The following KCND3 variants were observed in gnomAD, a reference collection of about 807,000 sequenced individuals.
The protein encoded by KCND3 is A-type voltage-gated potassium channel KCND3.
A neutral mutation model predicts 51.1 loss-of-function variants in KCND3; 9 were observed. The observed-to-expected ratio is 0.18, with a 90% CI of 0.11 to 0.31. The LOEUF (loss-of-function observed/expected upper bound fraction) is 0.31, where lower values mean the gene tolerates loss of function less well. KCND3 is among the 10% of genes least tolerant of loss of function. The pLI is 1.00. For missense variants in KCND3, 526 were observed against 903.8 expected, an observed-to-expected ratio of 0.58 and a Z score of 5.36; for synonymous variants, 349 against 368.0, an observed-to-expected ratio of 0.95 and a Z score of 0.59.
chr1:111,884,508 G>A (rs987217536), intron 2 of KCND3, among the ~76,000 whole-genome samples: 3 of 152,112 alleles, frequency 2.0e-5, no homozygotes, highest in African/African-American at 7.2e-5. Context: ...CGAAGTCATC[G>A]CCAGGGATGT....
At chr1:111,956,398 T>G (rs963214329) in intron 2 of KCND3, among the ~76,000 whole-genome samples, 2 of 152,196 alleles carry the variant, frequency 1.3e-5, no homozygotes, top group African/African-American at 4.8e-5. Flanking sequence ...TAATTTCCAC[T>G]GACAAGAGGT....
chr1:111,879,338 C>G (rs1005963104), intron 2 of KCND3, among the ~76,000 whole-genome samples: 1 of 152,098 alleles, frequency 6.6e-6, no homozygotes, highest in Admixed American at 6.5e-5. Context: ...TTGCATGTAA[C>G]CGGTGGTTCT....
At chr1:111,967,135 C>T (rs1304302224) in intron 2 of KCND3, among the ~76,000 whole-genome samples, 9 of 143,204 alleles carry the variant, frequency 6.3e-5, no homozygotes, top group Non-Finnish European at 1.4e-4. Context: ...AGTGAGATTC[C>T]GTCTCAAAAA....
intron 2 of KCND3, among the ~76,000 whole-genome samples, chr1:111,813,784 AC>A (rs1450458070): frequency 6.6e-6 from 1 of 152,214 alleles, no homozygotes; most frequent in African/African-American, 2.4e-5. Context: ...AATTCCCACA[AC>A]AATCCTGTGG....
intron 2 of KCND3, among the ~76,000 whole-genome samples, chr1:111,844,317 C>T (rs1471489736): frequency 6.6e-6 from 1 of 152,168 alleles, no homozygotes; most frequent in African/African-American, 2.4e-5. Context: ...ATAAGCAATG[C>T]CACTTCAGAA....
At chr1:111,957,034 G>A (rs1247039551) in intron 2 of KCND3, among the ~76,000 whole-genome samples, 1 of 152,144 alleles carries the variant, frequency 6.6e-6, no homozygotes, top group Non-Finnish European at 1.5e-5. Flanking sequence ...GAAGGGCCTG[G>A]GGCCTGCAAG....
At chr1:111,926,287 G>A (rs1671693299) in intron 2 of KCND3, among the ~76,000 whole-genome samples, 1 of 152,212 alleles carries the variant, frequency 6.6e-6, no homozygotes. Context: ...GGGAGTAGCA[G>A]CAGCAGTAGT....
At chr1:111,925,134 T>A (rs1029632973) in intron 2 of KCND3, among the ~76,000 whole-genome samples, 1 of 152,324 alleles carries the variant, frequency 6.6e-6, no homozygotes, top group Admixed American at 6.5e-5. Context: ...CTGGCCTCAC[T>A]CCCCACACCT....
At chr1:111,821,789 A>C (rs1666360975) in intron 2 of KCND3, among the ~76,000 whole-genome samples, 1 of 152,194 alleles carries the variant, frequency 6.6e-6, no homozygotes, top group African/African-American at 2.4e-5. Context: ...CCAGGGGGAC[A>C]GTCCCTGGGA....
At chr1:111,938,912 G>A (rs1327807303) in intron 2 of KCND3, among the ~76,000 whole-genome samples, 1 of 152,180 alleles carries the variant, frequency 6.6e-6, no homozygotes. Flanking sequence ...GGAAGGAAGG[G>A]CTAAACAGGG....
intron 2 of KCND3, among the ~76,000 whole-genome samples, chr1:111,866,475 T>C (rs1267221579): frequency 6.6e-6 from 1 of 151,854 alleles, no homozygotes; most frequent in Non-Finnish European, 1.5e-5. Flanking sequence ...ATGTTGCCCA[T>C]GCTGGTCTTG....
chr1:111,970,367 A>T (rs1168718066), intron 2 of KCND3, among the ~76,000 whole-genome samples: 1 of 152,232 alleles, frequency 6.6e-6, no homozygotes, highest in Non-Finnish European at 1.5e-5. Context: ...CTGTTCACAG[A>T]TACGTCTTTG....
At chr1:111,861,452 T>C (rs1557984142) in intron 2 of KCND3, among the ~76,000 whole-genome samples, 1 of 152,174 alleles carries the variant, frequency 6.6e-6, no homozygotes, top group Non-Finnish European at 1.5e-5. Flanking sequence ...CTCAGGAACT[T>C]AGAATGGCAA....
In KCND3 at chr1:111,982,792, G is replaced by A; in HGVS notation, c.-66C>T. The A allele has an allele frequency of 3.9e-6, 6 of 1,548,350 alleles. No homozygotes were observed. Among genetic ancestry groups the A allele is most frequent in the Non-Finnish European group, 5.2e-6 (6 of 1,153,630 alleles). ...GGCACACCAGCTTGGAGTTAGTTCA[G>A]CAAACCCTGGGAGACAGGAGGGGAG... is the stretch of plus-strand genomic sequence containing the variant. On this transcript the variant is annotated 5_prime_UTR_variant, in exon 2 of 8. Coordinates refer to ENST00000302127, the MANE Select transcript of KCND3 (RefSeq NM_001378969.1). The surrounding 1 kb of genome is among the most constrained non-coding windows in gnomAD (Gnocchi z 8.5).
At chr1:111,822,517 T>G (rs997348668) in intron 2 of KCND3, among the ~76,000 whole-genome samples, 1 of 152,260 alleles carries the variant, frequency 6.6e-6, no homozygotes, top group Non-Finnish European at 1.5e-5. Context: ...AAGGTTCATC[T>G]ATGTTGTAGC....
intron 2 of KCND3, among the ~76,000 whole-genome samples, chr1:111,918,545 G>A (rs189689775): frequency 1.3e-5 from 2 of 152,260 alleles, no homozygotes; most frequent in East Asian, 3.9e-4. Flanking sequence ...ACCCTCCATA[G>A]CTATAGTGAG....
intron 2 of KCND3, among the ~76,000 whole-genome samples, chr1:111,959,485 G>C (rs1021035780): frequency 2.6e-5 from 4 of 152,124 alleles, no homozygotes; most frequent in African/African-American, 7.2e-5. Context: ...TCATCAGGGA[G>C]GGTCTCTCTC....
At chr1:111,851,462 A>AAT (rs1297925995) in intron 2 of KCND3, among the ~76,000 whole-genome samples, 1 of 152,208 alleles carries the variant, frequency 6.6e-6, no homozygotes, top group Non-Finnish European at 1.5e-5. Context: ...ACCTCTGTGG[A>AAT]ATAAATGAAA....
intron 2 of KCND3, among the ~76,000 whole-genome samples, chr1:111,860,910 G>C (rs921222982): frequency 2.0e-4 from 30 of 152,214 alleles, no homozygotes; most frequent in African/African-American, 7.0e-4. Flanking sequence ...ATTATTGATA[G>C]GACACCTCAG....
Sources: gnomAD v4.1 joint callset for allele counts (sites outside exome capture counted in the v4.1 genomes callset) on GRCh38, gnomAD v4.1.1 for gene constraint, Gnocchi (gnomAD v3.1) non-coding constraint, MANE v1.5 for transcripts, NCBI Gene and HGNC (gene_info 2026-07-23, HGNC 2026-07-21) for gene names.